Variants in VGLL3 observed in about 807,000 individuals in gnomAD.
VGLL3 encodes the protein transcription cofactor vestigial-like protein 3.
A neutral mutation model predicts 29.2 loss-of-function variants in VGLL3; 18 were observed. The ratio of observed to expected loss-of-function variants is 0.62; its 90% CI spans 0.43 to 0.91. VGLL3 has a LOEUF of 0.91. Ranked by LOEUF, VGLL3 falls within the 40% of genes least tolerant of loss-of-function variation. VGLL3 has a pLI of 0.00. For synonymous variants in VGLL3, 180 were observed against 151.8 expected (o/e 1.19, Z -1.36); for missense variants, 440 against 413.2 (o/e 1.06, Z -0.56).
chr3:86,948,050 T>C (rs1008018527), intron 3 of VGLL3, among the ~76,000 whole-genome samples: 2 of 152,162 alleles, frequency 1.3e-5, no homozygotes, highest in Admixed American at 6.5e-5. Context: ...TTATATATTG[T>C]GAAATGATTA....
Position 86,941,257 on chromosome 3 carries a change from T to C in VGLL3, c.*5767A>G, listed in dbSNP as rs1006365255. On this transcript the variant is annotated 3_prime_UTR_variant, in exon 4 of 4. Coordinates refer to ENST00000398399, the MANE Select transcript of VGLL3 (RefSeq NM_016206.4). ...CAATATTATACATATCCTAAGAAATTAAATCAATTGTGTAAATAATCATTA... is the reference window on the plus strand; with the variant it reads ...CAATATTATACATATCCTAAGAAATCAAATCAATTGTGTAAATAATCATTA... 1 of 152,416 alleles carries C rather than the reference T, an allele frequency of 6.6e-6. No individual in the cohort carries two copies. Among genetic ancestry groups the C allele is most frequent in the Non-Finnish European group, 1.5e-5 (1 of 67,920 alleles). The allele number at this position is 152,416 out of a possible 1,614,324, so 9.4% of individuals were successfully genotyped here.
At chr3:86,958,751 T>G (rs991466904) in intron 3 of VGLL3, among the ~76,000 whole-genome samples, 1 of 152,216 alleles carries the variant, frequency 6.6e-6, no homozygotes, top group Non-Finnish European at 1.5e-5. Flanking sequence ...TGGGATCTCC[T>G]GGCATTTTGC....
chr3:86,968,690 G>C lies in VGLL3; in HGVS notation c.837C>G (p.Ile279Met). The change falls in exon 3 of 4, where the codon ATC becomes ATG. Residue 279 changes from isoleucine (I) to methionine (M), a missense_variant. Ile to Met is a conservative substitution (Grantham distance 10, BLOSUM62 1). Transcript: ENST00000398399. ...AARIPAPQCD[I>M]TKTEPTTVTS... is the part of the protein sequence containing the mutation. ...TGACTGTAGTTGGTTCTGTCTTTGTGATGTCACACTGGGGAGCAGGAATCC... is the reference window on the plus strand; with the variant it reads ...TGACTGTAGTTGGTTCTGTCTTTGTCATGTCACACTGGGGAGCAGGAATCC... 2 of 1,614,198 alleles carry C rather than the reference G, an allele frequency of 1.2e-6. No individual in the cohort carries two copies. The highest frequency in any genetic ancestry group is 1.7e-6 in the Non-Finnish European group (2 of 1,180,040).
Position 86,978,706 on chromosome 3 carries a change from T to TCTCCTCCTC in VGLL3, c.214_222dup (p.Glu72_Glu74dup). ...TACTCCATCTCGGCAGGCTGGTCTT[T>TCTCCTCCTC]CTCCTCCTCCTCCTCCTCCTCATCC... On this transcript the variant is annotated inframe_insertion, in exon 2 of 4. Coordinates refer to ENST00000398399, the MANE Select transcript of VGLL3 (RefSeq NM_016206.4). 1 of 1,612,110 alleles carries TCTCCTCCTC rather than the reference T, an allele frequency of 6.2e-7. No homozygotes were observed. Among genetic ancestry groups the TCTCCTCCTC allele is most frequent in the Non-Finnish European group, 8.5e-7 (1 of 1,179,106 alleles).
At chr3:86,988,646 A>AC in intron 1 of VGLL3, among the ~76,000 whole-genome samples, 1 of 41,792 alleles carries the variant, frequency 2.4e-5, no homozygotes, top group Non-Finnish European at 4.6e-5. Flanking sequence ...TGACCAAAAA[A>AC]AAAAAAAAAA....
rs993782971 is a variant in VGLL3, at chr3:86,946,716, TA to T, written c.*307del. 5,660 of 212,824 alleles carry T rather than the reference TA, an allele frequency of 0.027. No individual in the cohort carries two copies. The highest frequency in any genetic ancestry group is 0.052 in the Middle Eastern group (34 of 654). 13.2% of individuals were successfully genotyped at this position (212,824 alleles called of 1,614,324 possible). Reference sequence around the variant, plus strand: ...ATCCTTTCCTGACAAGGTGGTTGGCTAAAAAAAAAAATCAAAATGAAACAAA... The same window carrying T: ...ATCCTTTCCTGACAAGGTGGTTGGCTAAAAAAAAAATCAAAATGAAACAAA... On this transcript the variant is annotated 3_prime_UTR_variant, in exon 4 of 4. Coordinates refer to ENST00000398399, the MANE Select transcript of VGLL3 (RefSeq NM_016206.4).
chr3:86,963,563 G>C (rs534536814), intron 3 of VGLL3, among the ~76,000 whole-genome samples: 4 of 152,286 alleles, frequency 2.6e-5, no homozygotes, highest in African/African-American at 9.6e-5. Flanking sequence ...TATTAAACTG[G>C]TGAAGCATAT....
chr3:86,965,093 G>A (rs1411700782), intron 3 of VGLL3, among the ~76,000 whole-genome samples: 3 of 151,706 alleles, frequency 2.0e-5, no homozygotes, highest in African/African-American at 7.3e-5. Context: ...GGAAGTGAAG[G>A]TTGCGGTGAG....
intron 1 of VGLL3, among the ~76,000 whole-genome samples, chr3:86,990,034 T>C (rs1166098787): frequency 1.3e-5 from 2 of 152,124 alleles, no homozygotes; most frequent in Non-Finnish European, 1.5e-5. Flanking sequence ...AATTAAAAAA[T>C]GAATGAAGAA....
intron 3 of VGLL3, chr3:86,962,710 C>T (rs1028692552): frequency 1.3e-6 from 1 of 781,184 alleles, no homozygotes; most frequent in African/African-American, 1.9e-5. Flanking sequence ...ATTAAACACA[C>T]ATTTACTTAA....
chr3:86,959,743 C>T (rs953238194), intron 3 of VGLL3, among the ~76,000 whole-genome samples: 1 of 152,040 alleles, frequency 6.6e-6, no homozygotes, highest in Non-Finnish European at 1.5e-5. Flanking sequence ...ATTTTAATAA[C>T]ATTAGTACCC....
rs1309561195 is a variant in VGLL3, at chr3:86,939,006, C to T, written c.*8018G>A. ...CTGCACTAGATGACCTGTTCTCCAC[C>T]CCCTAGACTGCTCATCTTACATAAG... On this transcript the variant is annotated 3_prime_UTR_variant, in exon 4 of 4. Transcript: ENST00000398399. The T allele has an allele frequency of 6.6e-6, 1 of 152,164 alleles. No individual in the cohort carries two copies. The highest frequency in any genetic ancestry group is 1.5e-5 in the Non-Finnish European group (1 of 68,016). 9.4% of individuals were successfully genotyped at this position (152,164 alleles called of 1,614,324 possible).
At chr3:86,962,555 A>G in intron 3 of VGLL3, 1 of 976,716 alleles carries the variant, frequency 1.0e-6, no homozygotes, top group Non-Finnish European at 1.2e-6. Context: ...AAAAAAATTT[A>G]AAAAACAAAA....
chr3:86,965,115 C>T (rs879272499), intron 3 of VGLL3, among the ~76,000 whole-genome samples: 2 of 151,452 alleles, frequency 1.3e-5, no homozygotes, highest in South Asian at 4.2e-4. Context: ...TGAAATTGCG[C>T]CACTGCACTC....
chr3:86,988,802 T>C (rs1270769425), intron 1 of VGLL3, among the ~76,000 whole-genome samples: 3 of 143,542 alleles, frequency 2.1e-5, no homozygotes, highest in Non-Finnish European at 4.6e-5. Context: ...GCCCAAAATA[T>C]AGAAGTTGAT....
At chr3:86,988,065 A>G (rs1403683940) in intron 1 of VGLL3, among the ~76,000 whole-genome samples, 2 of 152,198 alleles carry the variant, frequency 1.3e-5, no homozygotes, top group Non-Finnish European at 2.9e-5. Flanking sequence ...TTGATACAGT[A>G]ATTAATAAGG....
In VGLL3 at chr3:86,961,555, G is replaced by A. The variant is rs144187365; in HGVS notation, c.937+7035C>T. On this transcript the variant is annotated intron_variant, in intron 3 of 3. Coordinates refer to ENST00000398399, the MANE Select transcript of VGLL3 (RefSeq NM_016206.4). Reference sequence around the variant, plus strand: ...AGGAGACATATTCTTGCATTCACACGTGAATGCCTGGTAATATGTTGTACA... The same window carrying A: ...AGGAGACATATTCTTGCATTCACACATGAATGCCTGGTAATATGTTGTACA... Among the ~76,000 whole-genome samples the A allele has an allele frequency of 1.7e-3, 260 of 152,178 alleles. 1 individual carries two copies. Among genetic ancestry groups the A allele is most frequent in the African/African-American group, 6.1e-3 (252 of 41,542 alleles).
At chr3:86,955,890 C>T (rs1575862451) in intron 3 of VGLL3, among the ~76,000 whole-genome samples, 1 of 152,142 alleles carries the variant, frequency 6.6e-6, no homozygotes, top group East Asian at 1.9e-4. Flanking sequence ...AATTAAGTCC[C>T]CAGCATATCA....
chr3:86,962,593 CAT>C, intron 3 of VGLL3: 1 of 957,664 alleles, frequency 1.0e-6, no homozygotes, highest in Non-Finnish European at 1.2e-6. Flanking sequence ...TTAAAAATTG[CAT>C]ATATATGCTC....
Sources: allele counts gnomAD v4.1 joint callset (sites outside exome capture counted in the v4.1 genomes callset), GRCh38; gene constraint gnomAD v4.1.1; transcripts MANE v1.5; gene names NCBI Gene and HGNC (gene_info 2026-07-23, HGNC 2026-07-21).